Variants in NELL1 observed in about 807,000 individuals in gnomAD.
NELL1 encodes protein kinase C-binding protein NELL1.
Under a neutral mutation model 107.4 loss-of-function variants are expected in NELL1, and 76 were observed. The observed-to-expected ratio is 0.71, with a 90% CI of 0.59 to 0.86. NELL1 has a LOEUF of 0.86. NELL1 is among the 40% of genes least tolerant of loss of function. NELL1 has a pLI of 0.00. For synonymous variants in NELL1, 353 were observed against 341.2 expected, an observed-to-expected ratio of 1.03 and a Z score of -0.38; for missense variants, 1,024 against 1,005.5, an observed-to-expected ratio of 1.02 and a Z score of -0.25.
intron 2 of NELL1, among the ~76,000 whole-genome samples, chr11:20,714,597 C>T (rs898143997): frequency 1.3e-5 from 2 of 151,958 alleles, no homozygotes; most frequent in East Asian, 1.9e-4. Context: ...TGCCAGCTCA[C>T]TGCAGCCTCG....
intron 2 of NELL1, among the ~76,000 whole-genome samples, chr11:20,709,275 G>A (rs565027535): frequency 6.6e-6 from 1 of 152,258 alleles, no homozygotes; most frequent in Admixed American, 6.5e-5. Flanking sequence ...AATTATCCCA[G>A]CACCATTTGT....
intron 12 of NELL1, among the ~76,000 whole-genome samples, chr11:20,970,790 AT>A (rs35911234): frequency 0.33 from 49,739 of 149,656 alleles, 9,471 homozygotes; most frequent in African/African-American, 0.52. Context: ...AGAAGTCTAA[AT>A]TTTTTTTTTT....
chr11:20,803,040 T>A (rs1040554965), intron 3 of NELL1, among the ~76,000 whole-genome samples: 12 of 152,202 alleles, frequency 7.9e-5, no homozygotes, highest in Non-Finnish European at 1.6e-4. Context: ...TTTATTTTTT[T>A]ACATGTCTTT....
At chr11:21,030,260 T>C (rs1327417200) in intron 12 of NELL1, among the ~76,000 whole-genome samples, 1 of 152,204 alleles carries the variant, frequency 6.6e-6, no homozygotes, top group Non-Finnish European at 1.5e-5. Flanking sequence ...TCCCTGATTC[T>C]TCCTGGTTCA....
chr11:21,534,822 A>G (rs932838369), intron 16 of NELL1, among the ~76,000 whole-genome samples: 1 of 152,046 alleles, frequency 6.6e-6, no homozygotes, highest in South Asian at 2.1e-4. Context: ...ACTTGCTGAA[A>G]TTTTTGACAG....
chr11:21,278,090 C>G (rs928614516), intron 14 of NELL1, among the ~76,000 whole-genome samples: 2 of 151,920 alleles, frequency 1.3e-5, no homozygotes, highest in African/African-American at 4.8e-5. Context: ...AATCCAACAC[C>G]TATCATTGAT....
chr11:21,427,075 T>C (rs973515008), intron 15 of NELL1, among the ~76,000 whole-genome samples: 3 of 152,116 alleles, frequency 2.0e-5, no homozygotes, highest in Non-Finnish European at 2.9e-5. Flanking sequence ...GAGATGCTGC[T>C]GGGCAGTAGG....
intron 4 of NELL1, among the ~76,000 whole-genome samples, chr11:20,868,008 C>T (rs866172823): frequency 2.6e-5 from 4 of 152,110 alleles, no homozygotes; most frequent in African/African-American, 7.2e-5. Flanking sequence ...AAGAGGATGT[C>T]GAAAAGGACC....
chr11:21,009,795 A>C (rs562166433), intron 12 of NELL1, among the ~76,000 whole-genome samples: 1 of 152,178 alleles, frequency 6.6e-6, no homozygotes, highest in East Asian at 1.9e-4. Flanking sequence ...GAAGGAAAAA[A>C]TGGTCAGAAG....
intron 13 of NELL1, among the ~76,000 whole-genome samples, chr11:21,223,579 G>C (rs1449851215): frequency 1.3e-5 from 2 of 152,110 alleles, no homozygotes; most frequent in Non-Finnish European, 2.9e-5. Flanking sequence ...TATATTGATA[G>C]ATGAGTACTT....
intron 12 of NELL1, among the ~76,000 whole-genome samples, chr11:21,044,999 A>C (rs1006832458): frequency 2.0e-5 from 3 of 152,204 alleles, no homozygotes; most frequent in African/African-American, 7.2e-5. Context: ...GAGTTCAAAA[A>C]AGTTTAGAGT....
At chr11:21,219,673 C>T (rs1405584365) in intron 13 of NELL1, among the ~76,000 whole-genome samples, 2 of 152,078 alleles carry the variant, frequency 1.3e-5, no homozygotes, top group Non-Finnish European at 2.9e-5. Context: ...AAATAGGGGT[C>T]TAATTTCATT....
At chr11:21,484,109 C>T (rs967905219) in intron 15 of NELL1, among the ~76,000 whole-genome samples, 4 of 145,966 alleles carry the variant, frequency 2.7e-5, no homozygotes, top group African/African-American at 1.0e-4. Flanking sequence ...AGTAGCGGAA[C>T]TTAAGGATAA....
chr11:21,536,710 A>G (rs985375407), intron 16 of NELL1, among the ~76,000 whole-genome samples: 2 of 151,410 alleles, frequency 1.3e-5, no homozygotes, highest in Non-Finnish European at 2.9e-5. Flanking sequence ...TGATCAATAA[A>G]GACACTCACT....
At chr11:21,419,744 A>T (rs2133820332) in intron 15 of NELL1, among the ~76,000 whole-genome samples, 1 of 152,312 alleles carries the variant, frequency 6.6e-6, no homozygotes, top group East Asian at 1.9e-4. Flanking sequence ...TTCAAGTAAA[A>T]GTACACATAG....
intron 7 of NELL1, among the ~76,000 whole-genome samples, chr11:20,926,126 T>TC (rs1233666047): frequency 1.3e-5 from 2 of 152,202 alleles, no homozygotes; most frequent in African/African-American, 4.8e-5. Context: ...TACTTGTTTT[T>TC]CAATCATGGT....
intron 14 of NELL1, among the ~76,000 whole-genome samples, chr11:21,367,321 T>G (rs1171867698): frequency 6.6e-6 from 1 of 151,130 alleles, no homozygotes; most frequent in Non-Finnish European, 1.5e-5. Flanking sequence ...TTGCCACACT[T>G]CAGAATCTGG....
intron 12 of NELL1, among the ~76,000 whole-genome samples, chr11:20,992,774 G>A (rs1258664027): frequency 6.9e-6 from 1 of 143,976 alleles, no homozygotes; most frequent in Non-Finnish European, 1.5e-5. Context: ...GAGTGCAATG[G>A]TGCGATCTTG....
At chr11:21,015,250 G>A (rs746753079) in intron 12 of NELL1, among the ~76,000 whole-genome samples, 5 of 151,920 alleles carry the variant, frequency 3.3e-5, no homozygotes, top group Admixed American at 2.6e-4. Context: ...TGAACAAGCC[G>A]CTAGAGAACC....
Sources: gnomAD v4.1 joint callset for allele counts (sites outside exome capture counted in the v4.1 genomes callset) on GRCh38, gnomAD v4.1.1 for gene constraint, MANE v1.5 for transcripts, NCBI Gene and HGNC (gene_info 2026-07-23, HGNC 2026-07-21) for gene names.